POLA2: variants seen among roughly 807,000 people sequenced by gnomAD.
The protein encoded by POLA2 is DNA polymerase alpha 2, accessory subunit.
Under a neutral mutation model 82.8 loss-of-function variants are expected in POLA2, and 47 were observed. The ratio of observed to expected loss-of-function variants is 0.57; its 90% confidence interval spans 0.45 to 0.72. The LOEUF is 0.72. POLA2 is among the 30% of genes least tolerant of loss of function. The pLI is 0.00. For missense variants in POLA2, 634 were observed against 728.1 expected, an observed-to-expected ratio of 0.87 and a Z score of 1.49; for synonymous variants, 287 against 286.8, an observed-to-expected ratio of 1.00 and a Z score of -0.01.
chr11:65,284,570 A>T (rs1002098458), intron 10 of POLA2, among the ~76,000 whole-genome samples: 1 of 145,954 alleles, frequency 6.9e-6, no homozygotes, highest in East Asian at 2.0e-4. Context: ...CTCGTTGCCC[A>T]GGTTGTAGTG....
intron 4 of POLA2, among the ~76,000 whole-genome samples, chr11:65,271,867 CTG>C (rs1041894818): frequency 2.7e-5 from 4 of 150,208 alleles, no homozygotes; most frequent in Admixed American, 6.7e-5. Context: ...AAGTTTGTGA[CTG>C]TGAATTCCAC....
At chr11:65,304,604 C>A (rs976013616) in intron 8 of POLA2, among the ~76,000 whole-genome samples, 2 of 152,160 alleles carry the variant, frequency 1.3e-5, no homozygotes, top group Admixed American at 6.5e-5. Flanking sequence ...CACAAGGTGA[C>A]CCAACATCAA....
At chr11:65,303,803 C>T (rs1255097668) in intron 8 of POLA2, among the ~76,000 whole-genome samples, 1 of 152,188 alleles carries the variant, frequency 6.6e-6, no homozygotes, top group African/African-American at 2.4e-5. Flanking sequence ...AAGCAGGCAG[C>T]TTGGAAAGAA....
downstream of POLA2, among the ~76,000 whole-genome samples, chr11:65,300,133 A>G (rs1193811723): frequency 6.6e-6 from 1 of 152,208 alleles, no homozygotes; most frequent in African/African-American, 2.4e-5. Flanking sequence ...GCAATCATTA[A>G]TCTAATTTCT....
At chr11:65,302,647 G>A (rs1949864991), downstream of POLA2, among the ~76,000 whole-genome samples, 1 of 152,152 alleles carries the variant, frequency 6.6e-6, no homozygotes. Flanking sequence ...TGCCTCTGGG[G>A]ACGGGTGTCC....
chr11:65,263,622 AT>A (rs1949425507), intron 1 of POLA2, among the ~76,000 whole-genome samples: 1 of 152,122 alleles, frequency 6.6e-6, no homozygotes, highest in South Asian at 2.1e-4. Context: ...GAAGTCGAGA[AT>A]TTGAGACCAG....
At chr11:65,299,282 G>A (rs1949844746), downstream of POLA2, among the ~76,000 whole-genome samples, 1 of 152,214 alleles carries the variant, frequency 6.6e-6, no homozygotes, top group South Asian at 2.1e-4. Flanking sequence ...AGACGGTCCT[G>A]AAGAAATAGT....
intron 10 of POLA2, among the ~76,000 whole-genome samples, chr11:65,286,598 T>A (rs376893765): frequency 2.6e-5 from 4 of 152,054 alleles, no homozygotes; most frequent in African/African-American, 7.3e-5. Context: ...TTATGTTGCC[T>A]AGGCTGGTCT....
chr11:65,302,704 T>G (rs1186407738), downstream of POLA2, among the ~76,000 whole-genome samples: 1 of 151,966 alleles, frequency 6.6e-6, no homozygotes, highest in East Asian at 1.9e-4. Context: ...CGATTTGTCA[T>G]GTCCACACTC....
At position 65,265,097 on chromosome 11, in the gene POLA2, C is replaced by T. The variant is rs575618562; in HGVS notation, c.80-1485C>T. ...TACAAAAATTAGCTGGGCATGGTGG[C>T]GCATGCCTGTAGTCCCAGCTACTTG... On this transcript the variant is annotated intron_variant, in intron 1 of 17. Coordinates refer to ENST00000265465, the MANE Select transcript of POLA2 (RefSeq NM_002689.4). Among the ~76,000 whole-genome samples the T allele has an allele frequency of 5.9e-5, 9 of 152,166 alleles. No individual in the cohort carries two copies. In the East Asian group the frequency reaches 9.7e-4, roughly 16 times the overall value.
chr11:65,276,903 G>T (rs908513852), intron 5 of POLA2, among the ~76,000 whole-genome samples: 4 of 149,232 alleles, frequency 2.7e-5, no homozygotes, highest in Non-Finnish European at 4.4e-5. Context: ...CGATTCTCCT[G>T]CCTCAGCTTC....
rs74485462 is a variant in POLA2 at position 65,280,505 on chromosome 11, C to G, written c.745-487C>G. 3.9e-3 allele frequency: 594 copies of G among 152,958 alleles called. 1 individual carries two copies. The highest frequency in any genetic ancestry group is 6.4e-3 in the Non-Finnish European group (438 of 68,500). The allele number at this position is 152,958 out of a possible 1,614,324, so 9.5% of individuals were successfully genotyped here. A position where few individuals can be genotyped will look rare whatever the true frequency, so the allele number is the denominator to read the frequency against. ...TCTAACCTTTCTGTTGCTTGTTTTC[C>G]TCATCTGTAAAATGGATACAGTAAT... On this transcript the variant is annotated intron_variant, in intron 7 of 17. Coordinates refer to ENST00000265465, the MANE Select transcript of POLA2 (RefSeq NM_002689.4).
chr11:65,278,616 C>A, intron 5 of POLA2, 114 bp from the exon 6 acceptor site: 1 of 853,576 alleles, frequency 1.2e-6, no homozygotes, highest in Non-Finnish European at 1.9e-6. Context: ...AATTTATAAA[C>A]TATGAGGCCA....
chr11:65,291,717 T>A (rs1004452342), intron 13 of POLA2, among the ~76,000 whole-genome samples: 1 of 152,178 alleles, frequency 6.6e-6, no homozygotes, highest in African/African-American at 2.4e-5. Context: ...TTACCCCGTG[T>A]GGTATTGACA....
intron 10 of POLA2, among the ~76,000 whole-genome samples, chr11:65,286,726 A>C (rs1207601303): frequency 2.0e-5 from 3 of 152,194 alleles, no homozygotes; most frequent in Admixed American, 2.0e-4. Context: ...AGTTTGTGAT[A>C]ACTTGTTATA....
chr11:65,263,557 G>A (rs1187410269), intron 1 of POLA2, among the ~76,000 whole-genome samples: 1 of 152,264 alleles, frequency 6.6e-6, no homozygotes, highest in African/African-American at 2.4e-5. Flanking sequence ...GCCAGGTGTG[G>A]TGGCTCACGC....
intron 8 of POLA2, among the ~76,000 whole-genome samples, chr11:65,303,700 C>T (rs1949870451): frequency 6.6e-6 from 1 of 152,160 alleles, no homozygotes; most frequent in Non-Finnish European, 1.5e-5. Context: ...TGTTGTCTCA[C>T]TGGTCCCTAG....
chr11:65,268,976 T>C (rs941744363), intron 4 of POLA2, among the ~76,000 whole-genome samples: 1 of 152,226 alleles, frequency 6.6e-6, no homozygotes, highest in Non-Finnish European at 1.5e-5. Flanking sequence ...TTCTCCATAA[T>C]TGCCCTTTTT....
At chr11:65,289,257 G>T (rs1392829843) in intron 12 of POLA2, among the ~76,000 whole-genome samples, 169 bp downstream of exon 12, 1 of 152,156 alleles carries the variant, frequency 6.6e-6, no homozygotes, top group African/African-American at 2.4e-5. Flanking sequence ...GGAATCCAAG[G>T]GCCTCCTTTC....
Sources: allele counts gnomAD v4.1 joint callset (sites outside exome capture counted in the v4.1 genomes callset), GRCh38; gene constraint gnomAD v4.1.1; transcripts MANE v1.5; gene names NCBI Gene and HGNC (gene_info 2026-07-23, HGNC 2026-07-21).